HCK: variants seen among roughly 807,000 people sequenced by gnomAD.
HCK encodes tyrosine-protein kinase HCK.
Under a neutral mutation model 70.4 loss-of-function variants are expected in HCK, and 40 were observed. The ratio of observed to expected loss-of-function variants is 0.57; its 90% CI spans 0.44 to 0.74. The LOEUF is 0.74. Among genes scored for constraint, HCK ranks in the 30% least tolerant of loss-of-function variants. HCK has a pLI of 0.00. For missense variants in HCK, 568 were observed against 697.2 expected (o/e 0.81, Z 2.09); for synonymous variants, 245 against 263.2 (o/e 0.93, Z 0.67).
intron 1 of HCK, among the ~76,000 whole-genome samples, chr20:32,070,992 A>AGGGG (rs2045529513): frequency 3.8e-5 from 1 of 26,402 alleles, no homozygotes; most frequent in African/African-American, 1.6e-4. Context: ...GGAGGGAGGG[A>AGGGG]GGGAGGGAAG....
intron 1 of HCK, among the ~76,000 whole-genome samples, chr20:32,059,511 CTTTTTTT>C (rs10557922): frequency 1.8e-4 from 26 of 147,124 alleles, no homozygotes; most frequent in African/African-American, 5.5e-4. Flanking sequence ...CTCTCTCTCT[CTTTTTTT>C]TTTCTTTTTC....
At chr20:32,057,556 C>T (rs558984659) in intron 1 of HCK, among the ~76,000 whole-genome samples, 3 of 152,184 alleles carry the variant, frequency 2.0e-5, no homozygotes, top group African/African-American at 4.8e-5. Flanking sequence ...TCTGAGACTG[C>T]ACCACTGTAC....
chr20:32,099,890 T>C (rs2122259554), intron 12 of HCK, among the ~76,000 whole-genome samples: 1 of 135,160 alleles, frequency 7.4e-6, no homozygotes, highest in African/African-American at 2.9e-5. Context: ...TCAGATCTTG[T>C]CCTTTCTCCA....
intron 1 of HCK, among the ~76,000 whole-genome samples, chr20:32,067,276 T>C (rs1485649229): frequency 5.9e-5 from 9 of 152,152 alleles, no homozygotes; most frequent in Non-Finnish European, 1.2e-4. Context: ...AAGTGTACAC[T>C]TCAGTGGTAT....
At chr20:32,079,010 A>T (rs1002484769) in intron 5 of HCK, among the ~76,000 whole-genome samples, 5 of 152,150 alleles carry the variant, frequency 3.3e-5, no homozygotes, top group African/African-American at 1.2e-4. Context: ...TCAAAGTCAC[A>T]CTGCAGGTTT....
chr20:32,097,199 G>C (rs2045968219), intron 11 of HCK, among the ~76,000 whole-genome samples: 1 of 152,180 alleles, frequency 6.6e-6, no homozygotes, highest in South Asian at 2.1e-4. Context: ...AGAATCGCTT[G>C]AGCCCAGGAG....
intron 12 of HCK, among the ~76,000 whole-genome samples, chr20:32,099,438 A>T (rs1206344938): frequency 1.4e-5 from 2 of 141,702 alleles, no homozygotes; most frequent in African/African-American, 2.7e-5. Context: ...GCTCACTGCA[A>T]CCTCCGCCTC....
At chr20:32,094,736 A>AGAAG (rs2045915417) in intron 11 of HCK, among the ~76,000 whole-genome samples, 1 of 138,546 alleles carries the variant, frequency 7.2e-6, no homozygotes, top group Non-Finnish European at 1.6e-5. Flanking sequence ...AAAGAAAGAA[A>AGAAG]GAAAGAAAGA....
chr20:32,052,580 G>A, intron 1 of HCK, 94 bp downstream of exon 1: 1 of 939,398 alleles, frequency 1.1e-6, no homozygotes, highest in Non-Finnish European at 1.4e-6. Flanking sequence ...GCTGGCTACG[G>A]GTGCGGCTGG....
At chr20:32,082,016 C>A (rs1005780802) in intron 6 of HCK, among the ~76,000 whole-genome samples, 1 of 152,262 alleles carries the variant, frequency 6.6e-6, no homozygotes, top group South Asian at 2.1e-4. Context: ...CAGCAGCAAC[C>A]AAGCCAGTCT....
intron 1 of HCK, among the ~76,000 whole-genome samples, chr20:32,053,917 C>A (rs1390503072): frequency 4.6e-5 from 7 of 152,066 alleles, no homozygotes; most frequent in Non-Finnish European, 1.0e-4. Context: ...TTGAGAACCA[C>A]TGGGGTAGCC....
intron 10 of HCK, among the ~76,000 whole-genome samples, chr20:32,090,940 A>G (rs1157977027): frequency 6.6e-6 from 1 of 152,212 alleles, no homozygotes; most frequent in East Asian, 1.9e-4. Flanking sequence ...CTTTAAATAA[A>G]TACTTAACTA....
chr20:32,101,609 T>C lies in HCK; in HGVS notation c.*90T>C, dbSNP rs1600756202. On this transcript the variant is annotated 3_prime_UTR_variant, in exon 13 of 13. Coordinates refer to ENST00000375852, the MANE Select transcript of HCK (RefSeq NM_002110.5). Reference sequence around the variant, plus strand: ...TCCGCCAGGGCCCACACCCCCTTCCTACTCCCAGACACCCACCCTCGCTTC... The same window carrying C: ...TCCGCCAGGGCCCACACCCCCTTCCCACTCCCAGACACCCACCCTCGCTTC... The C allele has an allele frequency of 9.3e-7, 1 of 1,079,264 alleles. No homozygotes were observed. Among genetic ancestry groups the C allele is most frequent in the Non-Finnish European group, 1.4e-6 (1 of 740,460 alleles). The allele number at this position is 1,079,264 out of a possible 1,614,324, so 66.9% of individuals were successfully genotyped here.
rs540342845 is a variant in HCK, at chr20:32,094,026, G to A, written c.1246+10G>A. ...TACACGGCTCGGGAAGGTAGGGAAC[G>A]CTGCCAAGCAGCCCCACGTTGCCCA... On this transcript the variant is annotated intron_variant, in intron 11 of 12. Coordinates refer to ENST00000375852, the MANE Select transcript of HCK (RefSeq NM_002110.5). The A allele has an allele frequency of 1.1e-5, 18 of 1,608,504 alleles. No individual in the cohort carries two copies. The highest frequency in any genetic ancestry group is 2.2e-5 in the South Asian group (2 of 90,724).
At chr20:32,084,175 C>A (rs967995299) in intron 7 of HCK, 132 bp downstream of exon 7, 61 of 1,114,964 alleles carry the variant, frequency 5.5e-5, no homozygotes, top group Non-Finnish European at 3.8e-5. Context: ...GCTTTGGATG[C>A]TTCTGAAGGC....
At chr20:32,099,350 C>CTTTTTTTTTTTTTTTTTTTTTTTTTT (rs71336559) in intron 12 of HCK, among the ~76,000 whole-genome samples, 7 of 85,172 alleles carry the variant, frequency 8.2e-5, no homozygotes, top group African/African-American at 3.2e-4. Context: ...ACTCCTATGA[C>CTTTTTTTTTTTTTTTTTTTTTTTTTT]TTTTTTTTTT....
chr20:32,092,126 T>A (rs2084016352), intron 10 of HCK, among the ~76,000 whole-genome samples: 1 of 151,988 alleles, frequency 6.6e-6, no homozygotes, highest in South Asian at 2.1e-4. Flanking sequence ...GTGCTTTGAT[T>A]GTTCTGTCTA....
chr20:32,095,274 T>C (rs2045939396), intron 11 of HCK, among the ~76,000 whole-genome samples: 1 of 152,148 alleles, frequency 6.6e-6, no homozygotes, highest in Admixed American at 6.5e-5. Context: ...TTTTTTTTCT[T>C]TGAGATGGAG....
intron 11 of HCK, among the ~76,000 whole-genome samples, chr20:32,095,252 A>G (rs2045938808): frequency 6.6e-6 from 1 of 152,166 alleles, no homozygotes; most frequent in Non-Finnish European, 1.5e-5. Context: ...AATGTCCAGA[A>G]GAGGCAATCT....
Sources: allele counts gnomAD v4.1 joint callset (sites outside exome capture counted in the v4.1 genomes callset), GRCh38; gene constraint gnomAD v4.1.1; transcripts MANE v1.5; gene names NCBI Gene and HGNC (gene_info 2026-07-23, HGNC 2026-07-21).